The following SERINC5 variants were observed in gnomAD, a reference collection of about 807,000 sequenced individuals.
The protein encoded by SERINC5 is serine incorporator 5.
In SERINC5, 41 loss-of-function variants were observed where a neutral mutation model predicts 63.1. The observed-to-expected ratio is 0.65, with a 90% CI of 0.51 to 0.84. SERINC5 has a LOEUF of 0.84. Among genes scored for constraint, SERINC5 ranks in the 40% least tolerant of loss-of-function variants. The pLI, the probability that SERINC5 is intolerant of heterozygous loss-of-function variation, is 0.00. For missense variants in SERINC5, 523 were observed against 573.0 expected (o/e 0.91, Z 0.89); for synonymous variants, 222 against 215.2 (o/e 1.03, Z -0.28).
At chr5:80,117,642 G>GAAAAAA (rs11431034) in intron 11 of SERINC5, among the ~76,000 whole-genome samples, 1 of 124,560 alleles carries the variant, frequency 8.0e-6, no homozygotes, top group Non-Finnish European at 1.6e-5. Context: ...TGTGGCTACT[G>GAAAAAA]AAAAAAAAAA....
At position 80,141,797 on chromosome 5, in the gene SERINC5, A is replaced by G; in HGVS notation, c.*1866T>C. The G allele has an allele frequency of 1.0e-6, 1 of 985,398 alleles. No homozygotes were observed. Among genetic ancestry groups the G allele is most frequent in the Non-Finnish European group, 1.2e-6 (1 of 829,914 alleles). The allele number at this position is 985,398 out of a possible 1,614,324, so 61.0% of individuals were successfully genotyped here. ...CTGCTGAGTACAGAGCTCCTGCCCT[A>G]AAAAAGGAAATTTAATGGAATTTAC... On this transcript the variant is annotated 3_prime_UTR_variant, in exon 12 of 12. Transcript: ENST00000507668.
intron 1 of SERINC5, among the ~76,000 whole-genome samples, chr5:80,210,389 A>G (rs1283575126): frequency 1.3e-5 from 2 of 152,136 alleles, no homozygotes; most frequent in African/African-American, 4.8e-5. Context: ...CAACACACAC[A>G]CATTCTACAA....
chr5:80,158,819 T>C lies in SERINC5; in HGVS notation c.986+17A>G, dbSNP rs771837238. 2.5e-6 allele frequency: 4 copies of C among 1,605,048 alleles called. No individual in the cohort carries two copies. The highest frequency in any genetic ancestry group is 3.4e-6 in the Non-Finnish European group (4 of 1,177,246). ...TAAAGTCTGCAAAAGTGACCTTGAGTAACTCCCAAGACTTACCATGAATAC... is the reference window on the plus strand; with the variant it reads ...TAAAGTCTGCAAAAGTGACCTTGAGCAACTCCCAAGACTTACCATGAATAC... On this transcript the variant is annotated intron_variant, in intron 8 of 11. Coordinates refer to ENST00000507668, the MANE Select transcript of SERINC5 (RefSeq NM_001174072.3).
intron 5 of SERINC5, among the ~76,000 whole-genome samples, chr5:80,170,781 C>T (rs969957050): frequency 6.6e-6 from 1 of 152,050 alleles, no homozygotes; most frequent in Non-Finnish European, 1.5e-5. Context: ...TTTGAGAGGC[C>T]GAGGCAGGTG....
In SERINC5 at chr5:80,142,209, GA is replaced by G. The variant is rs1191853263; in HGVS notation, c.*1453del. 1 of 985,064 alleles carries G rather than the reference GA, an allele frequency of 1.0e-6. No individual in the cohort carries two copies. Among genetic ancestry groups the G allele is most frequent in the Admixed American group, 6.2e-5 (1 of 16,210 alleles). 61.0% of individuals were successfully genotyped at this position (985,064 alleles called of 1,614,324 possible). The stretch of plus-strand genomic sequence containing the variant: ...TTCCCTGCCTGAATACATCAACACT[GA>G]AAATAGGCATCATCTTGGGTAGCTG... On this transcript the variant is annotated 3_prime_UTR_variant, in exon 12 of 12. Transcript: ENST00000507668.
At chr5:80,202,129 T>C (rs561511036) in intron 2 of SERINC5, among the ~76,000 whole-genome samples, 49 of 151,976 alleles carry the variant, frequency 3.2e-4, no homozygotes, top group African/African-American at 1.2e-3. Flanking sequence ...TCCCAGCTAC[T>C]AGGGAGGCTG....
At chr5:80,194,257 G>A (rs140167932) in intron 2 of SERINC5, among the ~76,000 whole-genome samples, 11 of 150,888 alleles carry the variant, frequency 7.3e-5, no homozygotes, top group African/African-American at 2.0e-4. Flanking sequence ...GCATATAAGC[G>A]GAGAATGGAG....
At chr5:80,205,526 T>C (rs1173521473) in intron 1 of SERINC5, among the ~76,000 whole-genome samples, 2 of 152,222 alleles carry the variant, frequency 1.3e-5, no homozygotes, top group East Asian at 3.8e-4. Context: ...TTACACTGCA[T>C]TTCTACCAGA....
chr5:80,167,511 T>C (rs1220228837), intron 6 of SERINC5, among the ~76,000 whole-genome samples: 2 of 152,208 alleles, frequency 1.3e-5, no homozygotes, highest in Non-Finnish European at 2.9e-5. Context: ...ATGTCGGTGA[T>C]TCCATATCTT....
intron 2 of SERINC5, among the ~76,000 whole-genome samples, chr5:80,182,135 G>C: frequency 6.6e-6 from 1 of 152,166 alleles, no homozygotes; most frequent in Non-Finnish European, 1.5e-5. Flanking sequence ...GTACTAAGAA[G>C]AATTGGCTCC....
chr5:80,217,270 G>A lies in SERINC5; in HGVS notation c.28-14217C>T, dbSNP rs192850640. ...CTTTATAAATAGTAGCTTATCAACC[G>A]GCAGCCAGTGAAACACTAAACCCAA... On this transcript the variant is annotated intron_variant, in intron 1 of 11. Transcript: ENST00000507668. Among the ~76,000 whole-genome samples, 56 of 152,188 alleles carry A rather than the reference G, an allele frequency of 3.7e-4. 1 individual carries two copies. The East Asian group carries it at 4.8e-3, about 13-fold the overall frequency.
In SERINC5 at chr5:80,220,406, T is replaced by C. The variant is rs1168669408; in HGVS notation, c.28-17353A>G. On this transcript the variant is annotated intron_variant, in intron 1 of 11. Transcript: ENST00000507668. ...GCCAGGCTGACTGAATGAATTGTTA[T>C]TGGGCTGCAAAGTAAACAGGCCAAA... is the stretch of plus-strand genomic sequence containing the variant. Among the ~76,000 whole-genome samples, 4 of 152,302 alleles carry C rather than the reference T, an allele frequency of 2.6e-5. No homozygotes were observed. In the East Asian group the frequency reaches 7.7e-4, roughly 29 times the overall value.
chr5:80,175,616 C>T (rs1172010137), intron 4 of SERINC5, among the ~76,000 whole-genome samples: 1 of 152,040 alleles, frequency 6.6e-6, no homozygotes, highest in Non-Finnish European at 1.5e-5. Context: ...TGCCTGCAAT[C>T]CTAGCACTTT....
intron 1 of SERINC5, among the ~76,000 whole-genome samples, chr5:80,205,219 GACTC>G (rs1188811726): frequency 2.0e-5 from 3 of 152,198 alleles, no homozygotes; most frequent in African/African-American, 7.2e-5. Context: ...TAAAAACAGC[GACTC>G]ACTCAGGTCC....
chr5:80,249,876 C>G (rs1426745842), intron 1 of SERINC5, among the ~76,000 whole-genome samples: 2 of 152,070 alleles, frequency 1.3e-5, no homozygotes, highest in African/African-American at 4.8e-5. Context: ...ATGTGGTTCT[C>G]TCTGGGTAAT....
intron 5 of SERINC5, among the ~76,000 whole-genome samples, chr5:80,172,746 G>T (rs998870206): frequency 6.6e-6 from 1 of 152,198 alleles, no homozygotes; most frequent in Non-Finnish European, 1.5e-5. Context: ...GGATGATGGG[G>T]AGACAGCATG....
intron 1 of SERINC5, 100 bp from the exon 2 acceptor site, chr5:80,203,153 CGG>C: frequency 8.3e-7 from 1 of 1,208,640 alleles, no homozygotes; most frequent in Non-Finnish European, 1.2e-6. Context: ...CCCTGCTACT[CGG>C]GGGGCTGGAG....
chr5:80,206,995 CTA>C (rs148319224), intron 1 of SERINC5, among the ~76,000 whole-genome samples: 1,908 of 148,150 alleles, frequency 0.013, 39 homozygotes, highest in African/African-American at 0.044. Flanking sequence ...TAACTTCTCA[CTA>C]TATATATATA....
At chr5:80,229,983 T>G (rs1751366080) in intron 1 of SERINC5, among the ~76,000 whole-genome samples, 1 of 152,158 alleles carries the variant, frequency 6.6e-6, no homozygotes, top group South Asian at 2.1e-4. Flanking sequence ...CTAAACCTAG[T>G]CACTCCAAAG....
Sources: gnomAD v4.1 joint callset for allele counts (sites outside exome capture counted in the v4.1 genomes callset) on GRCh38, gnomAD v4.1.1 for gene constraint, MANE v1.5 for transcripts, NCBI Gene and HGNC (gene_info 2026-07-23, HGNC 2026-07-21) for gene names.